MAPT: variants seen among roughly 807,000 people sequenced by gnomAD.
The protein encoded by MAPT is microtubule-associated protein tau.
In MAPT, 34 loss-of-function variants were observed where a neutral mutation model predicts 67.9. That is an observed-to-expected ratio of 0.50 (90% CI 0.38 to 0.67). The LOEUF is 0.67. Ranked by LOEUF, MAPT falls within the 30% of genes least tolerant of loss-of-function variation. MAPT has a pLI of 0.00. For missense variants in MAPT, 881 were observed against 1,115.2 expected (o/e 0.79, Z 2.99); for synonymous variants, 456 against 464.5 (o/e 0.98, Z 0.23).
At chr17:45,967,374 A>C (rs1425479459) in intron 2 of MAPT, among the ~76,000 whole-genome samples, 1 of 152,214 alleles carries the variant, frequency 6.6e-6, no homozygotes, top group African/African-American at 2.4e-5. Flanking sequence ...GGGGACCATC[A>C]TGCCCATATA....
chr17:45,968,496 T>C (rs1398091358), intron 2 of MAPT, among the ~76,000 whole-genome samples: 1 of 152,198 alleles, frequency 6.6e-6, no homozygotes. Flanking sequence ...GTAGAGAGAA[T>C]GGACACCAGG....
intron 1 of MAPT, among the ~76,000 whole-genome samples, chr17:45,919,475 G>A (rs1261436032): frequency 1.3e-5 from 2 of 152,328 alleles, no homozygotes; most frequent in East Asian, 1.9e-4. Context: ...ATCCACGAAC[G>A]GCCTTGTGGA....
At position 45,996,370 on chromosome 17, in the gene MAPT, C is replaced by T; in HGVS notation, c.1733-29C>T. On this transcript the variant is annotated intron_variant, in intron 8 of 12. Coordinates refer to ENST00000262410, the MANE Select transcript of MAPT (RefSeq NM_001377265.1). This position sits in a 1 kb window ranked among gnomAD's most constrained non-coding sequence, Gnocchi z 4.5. ...TTTTCTGACCCCACCCACTCGAGTC[C>T]TGGCTTCACTCCCTTCCTTCCTTCC... The T allele has an allele frequency of 6.2e-7, 1 of 1,608,020 alleles. No homozygotes were observed. Among genetic ancestry groups the T allele is most frequent in the Non-Finnish European group, 8.5e-7 (1 of 1,179,924 alleles).
intron 1 of MAPT, among the ~76,000 whole-genome samples, chr17:45,940,687 G>C (rs528311778): frequency 6.6e-6 from 1 of 152,270 alleles, no homozygotes; most frequent in African/African-American, 2.4e-5. Flanking sequence ...GGCATGTTCT[G>C]TGTGGCTCCA....
intron 1 of MAPT, among the ~76,000 whole-genome samples, chr17:45,903,972 A>AT (rs1232039150): frequency 6.0e-5 from 1 of 16,744 alleles, no homozygotes; most frequent in African/African-American, 1.8e-4. Context: ...TATATTATAT[A>AT]TTATATATTA....
At chr17:45,955,115 G>C (rs2069489150) in intron 1 of MAPT, among the ~76,000 whole-genome samples, 1 of 152,164 alleles carries the variant, frequency 6.6e-6, no homozygotes, top group African/African-American at 2.4e-5. Context: ...GGGGAAGAGA[G>C]GGCAGGATTC....
intron 1 of MAPT, among the ~76,000 whole-genome samples, chr17:45,946,615 A>AATATATATATATATATATATAT (rs1177094945): frequency 1.0e-5 from 1 of 100,408 alleles, no homozygotes; most frequent in Admixed American, 1.1e-4. Flanking sequence ...AAAAAAAAAA[A>AATATATATATATATATATATAT]ATATATATAT....
chr17:45,951,904 G>A (rs1162879548), intron 1 of MAPT, among the ~76,000 whole-genome samples: 1 of 152,180 alleles, frequency 6.6e-6, no homozygotes, highest in Non-Finnish European at 1.5e-5. Context: ...AAGGAAGAGA[G>A]AGAGAGAGGA....
chr17:45,990,629 T>TA (rs1333453136), intron 7 of MAPT: 37 of 326,450 alleles, frequency 1.1e-4, no homozygotes, highest in South Asian at 7.3e-4. Context: ...CCAAAATTGC[T>TA]ACTCTCATTG....
intron 12 of MAPT, among the ~76,000 whole-genome samples, chr17:46,019,202 G>A (rs930231795): frequency 5.3e-5 from 8 of 152,158 alleles, no homozygotes; most frequent in East Asian, 1.9e-4. Context: ...GCAAGAGAGC[G>A]TGTGCAGGGG....
At chr17:45,899,558 C>T (rs551323477) in intron 1 of MAPT, among the ~76,000 whole-genome samples, 1 of 152,218 alleles carries the variant, frequency 6.6e-6, no homozygotes, top group Non-Finnish European at 1.5e-5. Context: ...GGTTGCCTGA[C>T]ACTAGTTCCC....
At chr17:46,015,955 C>T (rs531779416) in intron 11 of MAPT, among the ~76,000 whole-genome samples, 35 of 152,160 alleles carry the variant, frequency 2.3e-4, no homozygotes, top group Non-Finnish European at 4.1e-4. Flanking sequence ...GTCCACAGGG[C>T]CTCTCAGACT....
chr17:45,991,984 C>T (rs909907254), intron 8 of MAPT, among the ~76,000 whole-genome samples: 1 of 151,978 alleles, frequency 6.6e-6, no homozygotes, highest in African/African-American at 2.4e-5. Context: ...CAGGGTTTCA[C>T]CATGTTGGCC....
intron 1 of MAPT, among the ~76,000 whole-genome samples, chr17:45,961,784 T>TG (rs66872824): frequency 4.0e-5 from 6 of 151,652 alleles, no homozygotes; most frequent in Non-Finnish European, 8.8e-5. Context: ...TGTTTTTTTT[T>TG]TTTTGTTTTG....
At position 45,984,937 on chromosome 17, in the gene MAPT, C is replaced by T. The variant is rs569774160; in HGVS notation, c.1351+1007C>T. Among the ~76,000 whole-genome samples the T allele has an allele frequency of 4.6e-5, 7 of 152,328 alleles. No individual in the cohort carries two copies. The South Asian group carries it at 8.3e-4, about 18-fold the overall frequency. ...TGTTACTGAAGCTCACAGTTGCAAGCATCTGTTAAATTTTTATTAGATTTT... is the reference window on the plus strand; with the variant it reads ...TGTTACTGAAGCTCACAGTTGCAAGTATCTGTTAAATTTTTATTAGATTTT... On this transcript the variant is annotated intron_variant, in intron 5 of 12. Coordinates refer to ENST00000262410, the MANE Select transcript of MAPT (RefSeq NM_001377265.1).
chr17:45,950,787 C>T (rs796796313), intron 1 of MAPT, among the ~76,000 whole-genome samples: 28 of 152,156 alleles, frequency 1.8e-4, no homozygotes, highest in African/African-American at 6.3e-4. Context: ...CTCAGCCTCC[C>T]GAGTAGCTGA....
intron 12 of MAPT, among the ~76,000 whole-genome samples, chr17:46,022,353 CAAAAAAA>C (rs56222318): frequency 1.1e-5 from 1 of 89,640 alleles, no homozygotes; most frequent in Non-Finnish European, 2.2e-5. Context: ...ATCTTTGTCT[CAAAAAAA>C]AAAAAAAAAA....
intron 8 of MAPT, chr17:45,993,837 G>C (rs2074261504): frequency 7.2e-7 from 1 of 1,385,058 alleles, no homozygotes; most frequent in Admixed American, 2.0e-5. Context: ...TGCTGGGCCA[G>C]CTGTGGGTGC....
chr17:46,020,663 A>C (rs962348032), intron 12 of MAPT, among the ~76,000 whole-genome samples: 1 of 152,186 alleles, frequency 6.6e-6, no homozygotes, highest in Admixed American at 6.5e-5. Context: ...ACGGTGGCAG[A>C]CAAGAGAAAA....
Sources: allele counts gnomAD v4.1 joint callset (sites outside exome capture counted in the v4.1 genomes callset), GRCh38; gene constraint gnomAD v4.1.1; non-coding constraint Gnocchi (gnomAD v3.1); transcripts MANE v1.5; gene names NCBI Gene and HGNC (gene_info 2026-07-23, HGNC 2026-07-21).